MTRR: variants seen among roughly 807,000 people sequenced by gnomAD.
MTRR encodes 5-methyltetrahydrofolate-homocysteine methyltransferase reductase.
MTRR carries 63 observed loss-of-function variants against 79.2 expected under a neutral mutation model. The observed-to-expected ratio is 0.80, with a 90% confidence interval of 0.65 to 0.98. MTRR has a LOEUF of 0.98. MTRR is among the 50% of genes least tolerant of loss of function. The pLI, the probability that MTRR is intolerant of heterozygous loss-of-function variation, is 0.00. For synonymous variants in MTRR, 355 were observed against 313.3 expected (o/e 1.13, Z -1.41); for missense variants, 895 against 839.6 (o/e 1.07, Z -0.82).
intron 1 of MTRR, 96 bp from the exon 2 acceptor site, chr5:7,870,674 A>AT: frequency 7.7e-7 from 1 of 1,292,390 alleles, no homozygotes; most frequent in Non-Finnish European, 1.1e-6. Flanking sequence ...ATGTGTGGGT[A>AT]TTGTTGCATT....
Position 7,897,051 on chromosome 5 carries a change from ATATT to A in MTRR, c.1770-13_1770-10del. On this transcript the variant is annotated splice_polypyrimidine_tract_variant and intron_variant, in intron 13 of 14. Transcript: ENST00000440940. ...TGACAACCTTTTAGTGATCCATTAT[ATATT>A]ATATTTCAGAAAAGAGCTCAGACAT... 1 of 1,613,332 alleles carries A rather than the reference ATATT, an allele frequency of 6.2e-7. No individual in the cohort carries two copies.
intron 8 of MTRR, among the ~76,000 whole-genome samples, chr5:7,887,820 A>C: frequency 3.6e-5 from 1 of 27,776 alleles, no homozygotes. Flanking sequence ...ATATATATAT[A>C]TATATATATA....
At chr5:7,889,298 A>G in intron 9 of MTRR, 23 bp downstream of exon 9, 2 of 1,612,044 alleles carry the variant, frequency 1.2e-6, no homozygotes, top group Non-Finnish European at 8.5e-7. Context: ...TTTCACAAGC[A>G]CCTTGGTGGC....
rs748533060 is a variant in MTRR, at chr5:7,878,138, C to G, written c.596C>G (p.Ser199Ter). 2.5e-6 allele frequency: 4 copies of G among 1,614,084 alleles called. No individual in the cohort carries two copies. The highest frequency in any genetic ancestry group is 3.4e-6 in the Non-Finnish European group (4 of 1,180,020). Residue 199 changes from serine to a stop codon, truncating the protein, a stop_gained, in exon 5 of 15, where the codon TCA (serine) becomes TGA (stop). Coordinates refer to ENST00000440940, the MANE Select transcript of MTRR (RefSeq NM_002454.3). LOFTEE classifies it high-confidence loss of function. ...GTCGAGCTTCTGAGATTCGATGATT[C>G]AGGAAGAAAGGATTCTGAGGTTTTG... ...SQVELLRFDD[S>*]GRKDSEVLKQ...
chr5:7,870,696 A>G, intron 1 of MTRR, 74 bp from the exon 2 acceptor site: 1 of 1,508,838 alleles, frequency 6.6e-7, no homozygotes, highest in Non-Finnish European at 9.2e-7. Flanking sequence ...TTTCTTAAAG[A>G]TTGAGGGAGA....
intron 4 of MTRR, among the ~76,000 whole-genome samples, chr5:7,876,809 A>G (rs547463959): frequency 1.5e-4 from 23 of 152,350 alleles, no homozygotes; most frequent in Admixed American, 2.6e-4. Context: ...AAACGGATTA[A>G]TACATGTCGT....
At chr5:7,865,641 A>C (rs1746891719), upstream of MTRR, among the ~76,000 whole-genome samples, 3 of 152,220 alleles carry the variant, frequency 2.0e-5, no homozygotes, top group South Asian at 6.2e-4. Context: ...GAGAGAATGG[A>C]GAAATACTGT....
In MTRR at chr5:7,878,200, G is replaced by A; in HGVS notation, c.658G>A (p.Val220Ile). 1.2e-6 allele frequency: 2 copies of A among 1,614,180 alleles called. No individual in the cohort carries two copies. Among genetic ancestry groups the A allele is most frequent in the Non-Finnish European group, 1.7e-6 (2 of 1,180,044 alleles). ...NAVNSNQSNV[V>I]IEDFESSLTR... ...AGTGAACAGCAACCAATCCAATGTT[G>A]TAATTGAAGACTTTGAGTCCTCACT... Residue 220 changes from valine (V) to isoleucine (I), a missense_variant, in exon 5 of 15, where the codon GTA (valine) becomes ATA (isoleucine). Val to Ile is a conservative substitution (Grantham distance 29). Transcript: ENST00000440940.
intron 1 of MTRR, among the ~76,000 whole-genome samples, chr5:7,854,048 C>T (rs1475070839): frequency 6.6e-6 from 1 of 152,014 alleles, no homozygotes; most frequent in Non-Finnish European, 1.5e-5. Context: ...GGCTTTAGTT[C>T]CTTTTTTAAA....
intron 11 of MTRR, chr5:7,893,247 G>T (rs937067634): frequency 3.3e-6 from 1 of 303,956 alleles, no homozygotes; most frequent in South Asian, 3.7e-5. Flanking sequence ...TTTAAGGGGG[G>T]TGATGAGAGA....
chr5:7,898,045 T>C (rs1738833255), intron 14 of MTRR, among the ~76,000 whole-genome samples: 1 of 152,236 alleles, frequency 6.6e-6, no homozygotes, highest in Non-Finnish European at 1.5e-5. Flanking sequence ...TATAACACAT[T>C]CTGATCATTT....
chr5:7,855,751 G>T (rs952147610), intron 1 of MTRR, among the ~76,000 whole-genome samples: 15 of 152,194 alleles, frequency 9.9e-5, no homozygotes, highest in African/African-American at 3.4e-4. Context: ...ATTGTTTCTT[G>T]TAAACATTAG....
Position 7,895,800 on chromosome 5 carries a change from A to T in MTRR, c.1624A>T (p.Met542Leu), listed in dbSNP as rs768608989. The change falls in exon 12 of 15, where the codon ATG becomes TTG. Residue 542 changes from methionine (M) to leucine (L), a missense_variant. Met to Leu is a conservative substitution (Grantham distance 15, BLOSUM62 2). Transcript: ENST00000440940. ...AGATGACCCCTCAATCCCCATCATA[A>T]TGGTGGGTCCAGGAACCGGCATAGC... ...LPDDPSIPII[M>L]VGPGTGIAPF... 3 of 1,614,010 alleles carry T rather than the reference A, an allele frequency of 1.9e-6. No individual in the cohort carries two copies. The highest frequency in any genetic ancestry group is 2.5e-6 in the Non-Finnish European group (3 of 1,179,994).
At chr5:7,886,464 A>T in intron 7 of MTRR, 151 bp from the exon 8 acceptor site, 5 of 648,402 alleles carry the variant, frequency 7.7e-6, no homozygotes, top group Non-Finnish European at 1.4e-5. Flanking sequence ...CATTTTGGGG[A>T]ATTTTTTTGG....
chr5:7,889,011 A>G (rs1737091654), intron 8 of MTRR, 84 bp from the exon 9 acceptor site: 2 of 1,521,216 alleles, frequency 1.3e-6, no homozygotes, highest in African/African-American at 1.4e-5. Flanking sequence ...AATTGGGTGC[A>G]TCCCTAGGCA....
At position 7,883,059 on chromosome 5, in the gene MTRR, A is replaced by C. The variant is rs1262694142; in HGVS notation, c.781-96A>C. ...GGAAATGAATACTGAGTAGCCAGGA[A>C]GTTTTGTAAGCCCCTGTGGATCTTG... is the stretch of plus-strand genomic sequence containing the variant. On this transcript the variant is annotated intron_variant, in intron 5 of 14. Transcript: ENST00000440940. The C allele has an allele frequency of 3.3e-6, 5 of 1,517,280 alleles. No homozygotes were observed. In the Admixed American group the frequency reaches 6.7e-5, roughly 20 times the overall value. The allele number at this position is 1,517,280 out of a possible 1,614,324, so 94.0% of individuals were successfully genotyped here.
chr5:7,852,208 C>G (rs1005909196), intron 1 of MTRR, among the ~76,000 whole-genome samples: 5 of 152,198 alleles, frequency 3.3e-5, no homozygotes, highest in Admixed American at 2.6e-4. Flanking sequence ...TTCCCCATCC[C>G]TGCAACTAGG....
chr5:7,886,948 T>C (rs1255637668), intron 8 of MTRR, among the ~76,000 whole-genome samples: 1 of 152,224 alleles, frequency 6.6e-6, no homozygotes, highest in Non-Finnish European at 1.5e-5. Context: ...TAGGGCTTTT[T>C]CTTAGTCTAA....
At position 7,861,650 on chromosome 5, in the gene MTRR, C is replaced by A; in HGVS notation, n.392-301C>A. 1.6e-5 allele frequency: 26 copies of A among 1,608,406 alleles called. No individual in the cohort carries two copies. The highest frequency in any genetic ancestry group is 2.1e-5 in the Non-Finnish European group (25 of 1,177,018). ...CCTTCTTCATCTAATTTAATTTCAACATCTGGTGAGAGAAGAAAGGAAAAA... is the reference window on the plus strand; with the variant it reads ...CCTTCTTCATCTAATTTAATTTCAAAATCTGGTGAGAGAAGAAAGGAAAAA... On this transcript the variant is annotated intron_variant and non_coding_transcript_variant, in intron 1 of 3. Coordinates refer to the MTRR transcript ENST00000502509.
Sources: gnomAD v4.1 joint callset for allele counts (sites outside exome capture counted in the v4.1 genomes callset) on GRCh38, gnomAD v4.1.1 for gene constraint, MANE v1.5 for transcripts, NCBI Gene and HGNC (gene_info 2026-07-23, HGNC 2026-07-21) for gene names.